The following CHCHD3 variants were observed in gnomAD, a reference collection of about 807,000 sequenced individuals.
CHCHD3 encodes MICOS complex subunit MIC19.
CHCHD3 carries 20 observed loss-of-function variants against 38.2 expected under a neutral mutation model. That is an observed-to-expected ratio of 0.52 (90% CI 0.37 to 0.76). CHCHD3 has a LOEUF of 0.76. Ranked by LOEUF, CHCHD3 falls within the 30% of genes least tolerant of loss-of-function variation. The pLI is 0.00. For synonymous variants in CHCHD3, 82 were observed against 100.0 expected (o/e 0.82, Z 1.07); for missense variants, 245 against 279.2 (o/e 0.88, Z 0.87).
chr7:132,868,245 G>A (rs565939350), intron 5 of CHCHD3, among the ~76,000 whole-genome samples: 1 of 152,182 alleles, frequency 6.6e-6, no homozygotes, highest in Non-Finnish European at 1.5e-5. Flanking sequence ...GGGAAGTTGT[G>A]GGAGGAACAT....
intron 2 of CHCHD3, among the ~76,000 whole-genome samples, chr7:133,057,285 G>A (rs1219585425): frequency 1.3e-5 from 2 of 152,206 alleles, no homozygotes; most frequent in African/African-American, 4.8e-5. Context: ...GTTCAGGCCA[G>A]GCTCAATGGC....
intron 1 of CHCHD3, among the ~76,000 whole-genome samples, chr7:133,078,852 G>A (rs1323444791): frequency 6.6e-6 from 1 of 152,186 alleles, no homozygotes; most frequent in Non-Finnish European, 1.5e-5. Flanking sequence ...GGTCAAAGTT[G>A]GAACGTTTTC....
chr7:133,047,328 CA>C (rs1814022488), intron 2 of CHCHD3, among the ~76,000 whole-genome samples: 1 of 152,026 alleles, frequency 6.6e-6, no homozygotes, highest in Non-Finnish European at 1.5e-5. Context: ...TCCAAAAAGC[CA>C]AAATGACAAC....
intron 3 of CHCHD3, among the ~76,000 whole-genome samples, chr7:132,999,236 G>GT (rs1392439330): frequency 6.6e-6 from 1 of 152,098 alleles, no homozygotes; most frequent in Non-Finnish European, 1.5e-5. Context: ...GAATATCTGG[G>GT]TTTTAGACTC....
intron 2 of CHCHD3, among the ~76,000 whole-genome samples, chr7:133,048,733 G>A (rs1814066013): frequency 6.6e-6 from 1 of 152,124 alleles, no homozygotes; most frequent in Non-Finnish European, 1.5e-5. Context: ...TTGGAGAACA[G>A]CAGTAACATA....
At chr7:132,840,438 A>C (rs1807911909) in intron 5 of CHCHD3, among the ~76,000 whole-genome samples, 1 of 152,220 alleles carries the variant, frequency 6.6e-6, no homozygotes, top group African/African-American at 2.4e-5. Flanking sequence ...TGCTTAGTTT[A>C]AGCACTGGAA....
chr7:132,841,899 C>G (rs946027361), intron 5 of CHCHD3, among the ~76,000 whole-genome samples: 2 of 151,946 alleles, frequency 1.3e-5, no homozygotes, highest in African/African-American at 4.8e-5. Flanking sequence ...AGTTCGAGAC[C>G]AGCCTGGCCA....
At chr7:133,078,215 A>G (rs1815059903) in intron 1 of CHCHD3, among the ~76,000 whole-genome samples, 1 of 152,218 alleles carries the variant, frequency 6.6e-6, no homozygotes, top group African/African-American at 2.4e-5. Flanking sequence ...AGGCTGAAGC[A>G]GGAGAATCAC....
At chr7:133,010,167 C>T (rs1270266608) in intron 3 of CHCHD3, among the ~76,000 whole-genome samples, 1 of 152,148 alleles carries the variant, frequency 6.6e-6, no homozygotes, top group Non-Finnish European at 1.5e-5. Flanking sequence ...AAGGTACTTG[C>T]CCACTCCAAG....
chr7:132,917,566 C>A (rs1055821044), intron 4 of CHCHD3, among the ~76,000 whole-genome samples: 6 of 152,114 alleles, frequency 3.9e-5, no homozygotes, highest in African/African-American at 1.4e-4. Flanking sequence ...CCTAAAAATA[C>A]CTGCCCTAGG....
At chr7:132,792,453 C>G (rs187388878) in intron 7 of CHCHD3, among the ~76,000 whole-genome samples, 1 of 152,276 alleles carries the variant, frequency 6.6e-6, no homozygotes, top group Admixed American at 6.5e-5. Flanking sequence ...AGAAAGGGTA[C>G]GTAGCAGTGG....
chr7:132,930,744 A>G (rs1335835602), intron 4 of CHCHD3, among the ~76,000 whole-genome samples: 1 of 152,074 alleles, frequency 6.6e-6, no homozygotes, highest in Non-Finnish European at 1.5e-5. Context: ...AAGTTACTCA[A>G]CATCCTAAAG....
intron 5 of CHCHD3, among the ~76,000 whole-genome samples, chr7:132,855,411 T>C (rs1808321750): frequency 6.6e-6 from 1 of 152,232 alleles, no homozygotes; most frequent in Non-Finnish European, 1.5e-5. Context: ...TCTCTAGTGC[T>C]AGCAACACAC....
At chr7:132,952,607 G>A (rs1284677677) in intron 4 of CHCHD3, among the ~76,000 whole-genome samples, 1 of 152,212 alleles carries the variant, frequency 6.6e-6, no homozygotes, top group Non-Finnish European at 1.5e-5. Context: ...ATAGAGAGAT[G>A]AGCAGTTCAC....
intron 4 of CHCHD3, among the ~76,000 whole-genome samples, chr7:132,940,189 A>G (rs555255346): frequency 4.6e-5 from 7 of 152,208 alleles, no homozygotes; most frequent in African/African-American, 1.7e-4. Flanking sequence ...TTGAAATACT[A>G]CATGAGGCAA....
At chr7:133,046,457 A>G (rs1156457101) in intron 2 of CHCHD3, among the ~76,000 whole-genome samples, 1 of 152,232 alleles carries the variant, frequency 6.6e-6, no homozygotes, top group Admixed American at 6.5e-5. Context: ...AGTAGTTAAT[A>G]CACCCAACAC....
At chr7:132,937,804 T>C (rs1387574197) in intron 4 of CHCHD3, among the ~76,000 whole-genome samples, 1 of 152,180 alleles carries the variant, frequency 6.6e-6, no homozygotes, top group Non-Finnish European at 1.5e-5. Context: ...ATAAACCAGC[T>C]CTTGTAATTA....
Position 133,035,731 on chromosome 7 carries a change from C to T in CHCHD3, c.170-11104G>A. On this transcript the variant is annotated intron_variant, in intron 2 of 7. Transcript: ENST00000262570. This position sits in a 1 kb window ranked among gnomAD's most constrained non-coding sequence, Gnocchi z 4.7. ...CTCTCAAACACACAGAATCCATCAT[C>T]ACCCTCAAATGCTGGGACCTTGCCG... 1 of 1,613,450 alleles carries T rather than the reference C, an allele frequency of 6.2e-7. No individual in the cohort carries two copies. Among genetic ancestry groups the T allele is most frequent in the Non-Finnish European group, 8.5e-7 (1 of 1,179,414 alleles).
rs547111089 is a variant in CHCHD3, at chr7:133,021,914, G to A, written c.251+2632C>T. Among the ~76,000 whole-genome samples the A allele has an allele frequency of 7.0e-4, 106 of 151,986 alleles. 1 individual carries two copies. The highest frequency in any genetic ancestry group is 3.4e-3 in the Middle Eastern group (1 of 294). On this transcript the variant is annotated intron_variant, in intron 3 of 7. Coordinates refer to ENST00000262570, the MANE Select transcript of CHCHD3 (RefSeq NM_017812.4). ...AGCCTGGCCAATATGGTGAAACCCC[G>A]TCTCTACTAAAAATACAAAAAAATC...
Sources: allele counts gnomAD v4.1 joint callset (sites outside exome capture counted in the v4.1 genomes callset), GRCh38; gene constraint gnomAD v4.1.1; non-coding constraint Gnocchi (gnomAD v3.1); transcripts MANE v1.5; gene names NCBI Gene and HGNC (gene_info 2026-07-23, HGNC 2026-07-21).